The following USP48 variants were observed in gnomAD, a reference collection of about 807,000 sequenced individuals.
USP48 encodes ubiquitin carboxyl-terminal hydrolase 48.
Under a neutral mutation model 150.7 loss-of-function variants are expected in USP48, and 43 were observed. The ratio of observed to expected loss-of-function variants is 0.29; its 90% CI spans 0.22 to 0.37. The LOEUF is 0.37. USP48 is among the 10% of genes least tolerant of loss of function. The pLI is 1.00. For missense variants in USP48, 813 were observed against 1,249.6 expected (o/e 0.65, Z 5.27); for synonymous variants, 396 against 425.9 (o/e 0.93, Z 0.86).
intron 19 of USP48, among the ~76,000 whole-genome samples, chr1:21,705,140 C>T (rs1330088402): frequency 2.0e-5 from 3 of 152,148 alleles, no homozygotes; most frequent in African/African-American, 2.4e-5. Flanking sequence ...ACCCCAAGGG[C>T]ATTTTTATTT....
chr1:21,765,901 C>CAAAAAAAAAAAAAAAAAAAAAAAAAAA (rs199539331), intron 1 of USP48, among the ~76,000 whole-genome samples: 1 of 112,154 alleles, frequency 8.9e-6, no homozygotes, highest in African/African-American at 4.1e-5. Flanking sequence ...ACTCCATCTC[C>CAAAAAAAAAAAAAAAAAAAAAAAAAAA]AAAAAAAAAA....
intron 8 of USP48, among the ~76,000 whole-genome samples, chr1:21,740,600 G>A (rs898321898): frequency 1.3e-5 from 2 of 152,190 alleles, no homozygotes; most frequent in Non-Finnish European, 2.9e-5. Flanking sequence ...GTGGTCCTGG[G>A]ACGAGTGACA....
intron 19 of USP48, among the ~76,000 whole-genome samples, chr1:21,704,787 G>A (rs916197832): frequency 3.3e-5 from 5 of 152,076 alleles, no homozygotes; most frequent in African/African-American, 1.2e-4. Context: ...AGTGGTTAGT[G>A]TGAGAGGAAG....
Position 21,679,080 on chromosome 1 carries a change from C to A in USP48, c.*337G>T, listed in dbSNP as rs954244275. 73 of 393,880 alleles carry A rather than the reference C, an allele frequency of 1.9e-4. No individual in the cohort carries two copies. Among genetic ancestry groups the A allele is most frequent in the Admixed American group, 2.1e-4 (5 of 23,264 alleles). 24.4% of individuals were successfully genotyped at this position (393,880 alleles called of 1,614,324 possible). A position where few individuals can be genotyped will look rare whatever the true frequency, so the allele number is the denominator to read the frequency against. On this transcript the variant is annotated 3_prime_UTR_variant, in exon 27 of 27. Transcript: ENST00000308271. Reference sequence around the variant, plus strand: ...ATGAAACTCGAGCAAGGAAATATAACAGAACTTTATTCCCCTCCCACGACT... The same window carrying A: ...ATGAAACTCGAGCAAGGAAATATAAAAGAACTTTATTCCCCTCCCACGACT...
At chr1:21,747,829 TC>T (rs2097798777) in intron 7 of USP48, among the ~76,000 whole-genome samples, 1 of 152,198 alleles carries the variant, frequency 6.6e-6, no homozygotes, top group Non-Finnish European at 1.5e-5. Flanking sequence ...TGCCTCAGCC[TC>T]CCAAAGTGCT....
At chr1:21,756,854 G>T (rs1488198298) in intron 2 of USP48, 152 bp from the exon 3 acceptor site, 2 of 1,420,874 alleles carry the variant, frequency 1.4e-6, no homozygotes, top group Non-Finnish European at 1.8e-6. Context: ...GCTGGAGGTG[G>T]GGCATAATTT....
At chr1:21,722,477 TG>T (rs1185803434) in intron 12 of USP48, among the ~76,000 whole-genome samples, 1 of 151,156 alleles carries the variant, frequency 6.6e-6, no homozygotes, top group African/African-American at 2.4e-5. Flanking sequence ...AGTTCTAGGC[TG>T]TAGTGCACTA....
At chr1:21,712,561 C>T (rs1412214500) in intron 15 of USP48, among the ~76,000 whole-genome samples, 1 of 151,188 alleles carries the variant, frequency 6.6e-6, no homozygotes, top group Non-Finnish European at 1.5e-5. Flanking sequence ...ATACCAGAAA[C>T]ATTTTACCCT....
chr1:21,720,680 A>C (rs1292903388), intron 14 of USP48, among the ~76,000 whole-genome samples: 2 of 152,020 alleles, frequency 1.3e-5, no homozygotes, highest in Non-Finnish European at 2.9e-5. Flanking sequence ...GGTGTGCAAC[A>C]CCACTCCTGG....
chr1:21,682,032 C>A (rs905724887), intron 25 of USP48, among the ~76,000 whole-genome samples: 11 of 152,194 alleles, frequency 7.2e-5, no homozygotes, highest in African/African-American at 2.7e-4. Context: ...TCTAGGGCAT[C>A]TTATCCTAGG....
Position 21,747,023 on chromosome 1 carries a change from A to T in USP48, c.991+44T>A, listed in dbSNP as rs536378376. On this transcript the variant is annotated intron_variant, in intron 8 of 26. Transcript: ENST00000308271. Reference sequence around the variant, plus strand: ...TAATCACAAGCCGATCACAAGTTAGAGTCTCTGAGCATTATAATGTTTACT... The same window carrying T: ...TAATCACAAGCCGATCACAAGTTAGTGTCTCTGAGCATTATAATGTTTACT... The T allele has an allele frequency of 3.5e-6, 5 of 1,423,666 alleles. No individual in the cohort carries two copies. In the South Asian group the frequency reaches 6.4e-5, roughly 18 times the overall value. 88.2% of individuals were successfully genotyped at this position (1,423,666 alleles called of 1,614,324 possible).
At chr1:21,780,150 TA>T (rs2097910831) in intron 1 of USP48, among the ~76,000 whole-genome samples, 1 of 152,100 alleles carries the variant, frequency 6.6e-6, no homozygotes, top group African/African-American at 2.4e-5. Context: ...AAGGTGGAAA[TA>T]ATCAAAATGT....
intron 9 of USP48, among the ~76,000 whole-genome samples, chr1:21,733,192 G>A (rs1225944404): frequency 6.6e-6 from 1 of 152,118 alleles, no homozygotes; most frequent in Admixed American, 6.6e-5. Flanking sequence ...GAGGCAGGCG[G>A]ATCACTTGAG....
intron 25 of USP48, among the ~76,000 whole-genome samples, chr1:21,684,721 T>C (rs2097576064): frequency 6.6e-6 from 1 of 152,204 alleles, no homozygotes; most frequent in African/African-American, 2.4e-5. Context: ...GATTTTAATA[T>C]ATAGTGAGAG....
At chr1:21,760,564 A>C (rs1413464886) in intron 1 of USP48, among the ~76,000 whole-genome samples, 1 of 151,672 alleles carries the variant, frequency 6.6e-6, no homozygotes, top group African/African-American at 2.4e-5. Context: ...AAATACAAAA[A>C]TTCGCCAGGA....
rs375301739 is a variant in USP48 at position 21,701,880 on chromosome 1, G to A, written c.2623-278C>T. 7.2e-5 allele frequency among the ~76,000 whole-genome samples: 11 copies of A among 152,250 alleles called. 1 individual carries two copies. Among genetic ancestry groups the A allele is most frequent in the African/African-American group, 2.4e-4 (10 of 41,534 alleles). On this transcript the variant is annotated intron_variant, in intron 21 of 26. Transcript: ENST00000308271. Reference sequence around the variant, plus strand: ...CAGAGCAGTTATTATTATCAGTCTTGTACAATGATGTTATTTTGCAGAAGT... The same window carrying A: ...CAGAGCAGTTATTATTATCAGTCTTATACAATGATGTTATTTTGCAGAAGT...
At chr1:21,720,417 T>C (rs568907919) in intron 14 of USP48, among the ~76,000 whole-genome samples, 1 of 152,344 alleles carries the variant, frequency 6.6e-6, no homozygotes, top group African/African-American at 2.4e-5. Context: ...AGCTTAAAAA[T>C]CTTTTATTTG....
chr1:21,762,970 T>A (rs2152621839), intron 1 of USP48, among the ~76,000 whole-genome samples: 1 of 152,172 alleles, frequency 6.6e-6, no homozygotes, highest in Non-Finnish European at 1.5e-5. Context: ...CCACTGGATC[T>A]GTTTAGATTT....
At chr1:21,741,735 G>GT (rs996562982) in intron 8 of USP48, among the ~76,000 whole-genome samples, 3 of 152,136 alleles carry the variant, frequency 2.0e-5, no homozygotes, top group African/African-American at 7.2e-5. Flanking sequence ...CCAGGACTTT[G>GT]TGAGCCGAGG....
Sources: gnomAD v4.1 joint callset for allele counts (sites outside exome capture counted in the v4.1 genomes callset) on GRCh38, gnomAD v4.1.1 for gene constraint, MANE v1.5 for transcripts, NCBI Gene and HGNC (gene_info 2026-07-23, HGNC 2026-07-21) for gene names.